SI: variants seen among roughly 807,000 people sequenced by gnomAD.
SI encodes sucrase-isomaltase, also known as sucrase-isomaltase, intestinal.
Under a neutral mutation model 253.3 loss-of-function variants are expected in SI, and 235 were observed. That is an observed-to-expected ratio of 0.93 (90% CI 0.83 to 1.03). The LOEUF (loss-of-function observed/expected upper bound fraction) is 1.03, where lower values mean the gene tolerates loss of function less well. SI is among the 50% of genes least tolerant of loss of function. The pLI is 0.00. For synonymous variants in SI, 819 were observed against 712.0 expected (o/e 1.15, Z -2.39); for missense variants, 2,442 against 2,211.1 (o/e 1.10, Z -2.09).
intron 18 of SI, among the ~76,000 whole-genome samples, chr3:165,040,516 G>A (rs893547364): frequency 6.6e-6 from 1 of 151,858 alleles, no homozygotes; most frequent in East Asian, 1.9e-4. Flanking sequence ...GAATTTAAAA[G>A]GATCTTTAAG....
chr3:165,050,902 A>G lies in SI; in HGVS notation c.1513-1027T>C, dbSNP rs1013770286. 3.9e-5 allele frequency among the ~76,000 whole-genome samples: 6 copies of G among 152,024 alleles called. No individual in the cohort carries two copies. The East Asian group carries it at 9.7e-4, about 25-fold the overall frequency. On this transcript the variant is annotated intron_variant, in intron 13 of 47. Transcript: ENST00000264382. The stretch of plus-strand genomic sequence containing the variant: ...GCTTTCAATCCTCCCTTTAACCTTA[A>G]CACTCCTATATTAACTTTGCAATCA...
chr3:164,998,678 T>C lies in SI; in HGVS notation c.4407-5A>G. On this transcript the variant is annotated splice_polypyrimidine_tract_variant and splice_region_variant and intron_variant, in intron 37 of 47. Coordinates refer to ENST00000264382, the MANE Select transcript of SI (RefSeq NM_001041.4). The stretch of plus-strand genomic sequence containing the variant: ...CCAGTTGTCTTCTGCAATGCACTAA[T>C]ATAGTAGAGAAGTATTTTTGAGTTT... The C allele has an allele frequency of 2.5e-6, 4 of 1,608,858 alleles. No individual in the cohort carries two copies. Among genetic ancestry groups the C allele is most frequent in the Non-Finnish European group, 3.4e-6 (4 of 1,175,836 alleles).
intron 31 of SI, 139 bp from the exon 32 acceptor site, chr3:165,016,219 T>C (rs192993649): frequency 1.3e-6 from 1 of 754,254 alleles, no homozygotes. Flanking sequence ...AATTAAATGG[T>C]TTAGTGTTCA....
At chr3:164,990,648 C>CA (rs1404685272) in intron 44 of SI, among the ~76,000 whole-genome samples, 1 of 151,656 alleles carries the variant, frequency 6.6e-6, no homozygotes, top group Admixed American at 6.6e-5. Context: ...GTCGCAAGGA[C>CA]AAAAAACCAA....
At chr3:164,990,416 G>T (rs138634614) in intron 44 of SI, among the ~76,000 whole-genome samples, 1 of 151,948 alleles carries the variant, frequency 6.6e-6, no homozygotes, top group African/African-American at 2.4e-5. Flanking sequence ...GATCATAAAG[G>T]TTTCATTTAT....
chr3:165,022,435 CAG>C (rs3039735), intron 26 of SI, among the ~76,000 whole-genome samples: 108,145 of 151,000 alleles, frequency 0.72, 39,922 homozygotes, highest in East Asian at 0.85. Flanking sequence ...TGATTAAAAA[CAG>C]ACACTTTTTT....
At chr3:164,992,725 A>G (rs1316179665) in intron 41 of SI, among the ~76,000 whole-genome samples, 1 of 151,906 alleles carries the variant, frequency 6.6e-6, no homozygotes, top group Non-Finnish European at 1.5e-5. Context: ...TATATGATCA[A>G]CAAATTAAAA....
intron 17 of SI, among the ~76,000 whole-genome samples, chr3:165,042,783 G>A (rs974910505): frequency 2.0e-5 from 3 of 151,906 alleles, no homozygotes. Context: ...TTAAAATACC[G>A]GTAACTTAAT....
At chr3:164,992,816 AT>A (rs1393647778) in intron 41 of SI, among the ~76,000 whole-genome samples, 1 of 151,928 alleles carries the variant, frequency 6.6e-6, no homozygotes, top group Non-Finnish European at 1.5e-5. Context: ...GAGTTTGCTT[AT>A]CTTACTTAAT....
rs551145776 is a variant in SI, at chr3:164,987,718, C to A, written c.5109-492G>T. ...GCAAGACTCCATCAAAAAAAAAATT[C>A]TTCACATTTAATAGGAAATGTGATG... On this transcript the variant is annotated intron_variant, in intron 44 of 47. Transcript: ENST00000264382. Among the ~76,000 whole-genome samples, 6 of 151,940 alleles carry A rather than the reference C, an allele frequency of 3.9e-5. 1 individual carries two copies. In the South Asian group the frequency reaches 8.3e-4, roughly 21 times the overall value.
chr3:165,034,648 T>A (rs1712430929), intron 22 of SI, among the ~76,000 whole-genome samples: 1 of 151,940 alleles, frequency 6.6e-6, no homozygotes, highest in African/African-American at 2.4e-5. Context: ...TAAAATTGAA[T>A]GAGAAATAGA....
At chr3:165,066,381 G>C (rs769866850) in intron 6 of SI, among the ~76,000 whole-genome samples, 1 of 151,846 alleles carries the variant, frequency 6.6e-6, no homozygotes, top group South Asian at 2.1e-4. Flanking sequence ...ATGTTTTGAT[G>C]TACATTATTT....
chr3:165,031,234 A>G (rs1712220357), intron 24 of SI, among the ~76,000 whole-genome samples: 1 of 149,804 alleles, frequency 6.7e-6, no homozygotes, highest in Admixed American at 6.7e-5. Context: ...TGCATAGCTT[A>G]CTTTTTGATA....
intron 13 of SI, among the ~76,000 whole-genome samples, chr3:165,051,281 T>C (rs1159146469): frequency 6.6e-6 from 1 of 152,078 alleles, no homozygotes; most frequent in Non-Finnish European, 1.5e-5. Context: ...AATGATAAAT[T>C]AATGGTGCTC....
chr3:165,003,199 C>T (rs1718337383), intron 37 of SI, among the ~76,000 whole-genome samples: 1 of 151,802 alleles, frequency 6.6e-6, no homozygotes, highest in African/African-American at 2.4e-5. Context: ...TAATGTGCTT[C>T]AGAAGTATAC....
intron 1 of SI, among the ~76,000 whole-genome samples, chr3:165,078,104 A>C (rs765955152): frequency 6.6e-6 from 1 of 151,482 alleles, no homozygotes; most frequent in Non-Finnish European, 1.5e-5. Flanking sequence ...AGCATACTTT[A>C]TTATTCATCT....
At chr3:165,076,808 AT>A (rs1715012442) in intron 1 of SI, among the ~76,000 whole-genome samples, 1 of 151,682 alleles carries the variant, frequency 6.6e-6, no homozygotes, top group Non-Finnish European at 1.5e-5. Context: ...TATTTGTTTA[AT>A]TTAATTTTGA....
chr3:165,011,674 G>A (rs938069412), intron 34 of SI, among the ~76,000 whole-genome samples: 5 of 149,260 alleles, frequency 3.3e-5, no homozygotes, highest in Non-Finnish European at 6.0e-5. Context: ...TTGCTCTCTG[G>A]TTGTTCTATT....
At chr3:165,000,344 G>A (rs1024764990) in intron 37 of SI, among the ~76,000 whole-genome samples, 4 of 145,108 alleles carry the variant, frequency 2.8e-5, no homozygotes, top group Admixed American at 7.2e-5. Context: ...CACACAATGG[G>A]CACAAAGTTA....
Sources: gnomAD v4.1 joint callset for allele counts (sites outside exome capture counted in the v4.1 genomes callset) on GRCh38, gnomAD v4.1.1 for gene constraint, MANE v1.5 for transcripts, NCBI Gene and HGNC (gene_info 2026-07-23, HGNC 2026-07-21) for gene names.